The following AP5Z1 variants were observed in gnomAD, a reference collection of about 807,000 sequenced individuals.
AP5Z1 encodes AP-5 complex subunit zeta-1.
A neutral mutation model predicts 83.0 loss-of-function variants in AP5Z1; 106 were observed. That is an observed-to-expected ratio of 1.28 (90% CI 1.09 to 1.50). The LOEUF (loss-of-function observed/expected upper bound fraction) is 1.50, where lower values mean the gene tolerates loss of function less well. AP5Z1 is among the 40% of genes most tolerant of loss of function. AP5Z1 has a pLI of 0.00. For missense variants in AP5Z1, 1,565 were observed against 1,094.2 expected (o/e 1.43, Z -6.07); for synonymous variants, 751 against 514.1 (o/e 1.46, Z -6.23).
chr7:4,784,317 C>A lies in AP5Z1; in HGVS notation c.736C>A (p.Leu246Met), dbSNP rs1583231513. 8 of 1,600,836 alleles carry A rather than the reference C, an allele frequency of 5.0e-6. No individual in the cohort carries two copies. The highest frequency in any genetic ancestry group is 6.0e-6 in the Non-Finnish European group (7 of 1,174,782). The part of the protein sequence containing the change: ...QWLNVQAFSM[L>M]RAWLLHSGPE... The stretch of plus-strand genomic sequence containing the variant: ...GCTGAACGTGCAGGCCTTCTCTATG[C>A]TGCGGGCGTGGCTGCTGCACAGCGG... The change falls in exon 6 of 17, where the codon CTG becomes ATG. Residue 246 changes from leucine (L) to methionine (M), a missense_variant. Transcript: ENST00000649063.
At chr7:4,785,392 C>T (rs976121772) in intron 7 of AP5Z1, 23 bp from the exon 8 acceptor site, 2 of 1,612,042 alleles carry the variant, frequency 1.2e-6, no homozygotes, top group Non-Finnish European at 1.7e-6. Context: ...ACAGAGCCGG[C>T]TGACTTTTTC....
chr7:4,788,533 G>A lies in AP5Z1; in HGVS notation c.1595+239G>A, dbSNP rs1306154713. ...ATCAACCCTCATAAGCTTGGAGGTT[G>A]GCCCTGTGGGTGCTCCATTTTGCAG... On this transcript the variant is annotated intron_variant, in intron 12 of 16. Transcript: ENST00000649063. 9 of 547,382 alleles carry A rather than the reference G, an allele frequency of 1.6e-5. No homozygotes were observed. The African/African-American group carries it at 1.7e-4, about 11-fold the overall frequency. The allele number at this position is 547,382 out of a possible 1,614,324, so 33.9% of individuals were successfully genotyped here. A position where few individuals can be genotyped will look rare whatever the true frequency, so the allele number is the denominator to read the frequency against.
intron 3 of AP5Z1, 114 bp from the exon 4 acceptor site, chr7:4,783,202 G>A (rs1224721319): frequency 1.4e-6 from 2 of 1,431,764 alleles, no homozygotes; most frequent in Admixed American, 5.2e-5. Context: ...CCACCTGCTA[G>A]GCCGGGGTCT....
chr7:4,782,613 T>C (rs1407925286), intron 3 of AP5Z1, among the ~76,000 whole-genome samples: 1 of 152,090 alleles, frequency 6.6e-6, no homozygotes, highest in East Asian at 1.9e-4. Context: ...TTGTACTTCA[T>C]CACTGGGGTC....
intron 1 of AP5Z1, among the ~76,000 whole-genome samples, chr7:4,778,358 G>C (rs1275070652): frequency 6.6e-6 from 1 of 152,166 alleles, no homozygotes; most frequent in Non-Finnish European, 1.5e-5. Context: ...AGCGGGAAGC[G>C]AGTAAAGGAT....
chr7:4,791,737 A>C lies in AP5Z1; in HGVS notation c.*352A>C, dbSNP rs907100294. 2.3e-5 allele frequency: 8 copies of C among 351,454 alleles called. No individual in the cohort carries two copies. The highest frequency in any genetic ancestry group is 1.7e-4 in the African/African-American group (8 of 48,402). The allele number at this position is 351,454 out of a possible 1,614,324, so 21.8% of individuals were successfully genotyped here. A position where few individuals can be genotyped will look rare whatever the true frequency, so the allele number is the denominator to read the frequency against. On this transcript the variant is annotated 3_prime_UTR_variant, in exon 17 of 17. Transcript: ENST00000649063. ...GATGGGCAAGAAGAGCTGCAGTAAA[A>C]GTAAATCTCCTTTAATAAGCGTCTG...
Position 4,787,656 on chromosome 7 carries a change from C to T in AP5Z1, c.1334C>T (p.Pro445Leu), listed in dbSNP as rs566333309. The T allele has an allele frequency of 2.0e-4, 306 of 1,553,290 alleles. No homozygotes were observed. In the East Asian group the frequency reaches 6.8e-3, roughly 34 times the overall value. Residue 445 changes from proline (P) to leucine (L), a missense_variant, in exon 11 of 17, where the codon CCC (proline) becomes CTC (leucine). Pro to Leu is a moderately conservative substitution (Grantham distance 98, BLOSUM62 -3). Coordinates refer to ENST00000649063, the MANE Select transcript of AP5Z1 (RefSeq NM_014855.3). ...CAGTTCCTGGCCTGGAACAGCCCAC[C>T]CCTCACCTCCGAGTTTGTGGCGCTC... ...LFKFLAWNSP[P>L]LTSEFVALLP...
rs61215980 is a variant in AP5Z1, at chr7:4,781,029, C to T, written c.42-146C>T. 2.1e-3 allele frequency: 2,187 copies of T among 1,062,410 alleles called. 33 individuals carry two copies. The African/African-American group carries it at 0.031, about 15-fold the overall frequency. The allele number at this position is 1,062,410 out of a possible 1,614,324, so 65.8% of individuals were successfully genotyped here. A position where few individuals can be genotyped will look rare whatever the true frequency, so the allele number is the denominator to read the frequency against. On this transcript the variant is annotated intron_variant, in intron 1 of 16. Coordinates refer to ENST00000649063, the MANE Select transcript of AP5Z1 (RefSeq NM_014855.3). ...GCTCAGGGAATCAGCGAATTTATCT[C>T]GAGAGCCATGAGCCGTGGAACCGTG...
intron 9 of AP5Z1, 114 bp from the exon 10 acceptor site, chr7:4,786,136 C>G: frequency 8.7e-7 from 1 of 1,154,970 alleles, no homozygotes; most frequent in Non-Finnish European, 1.2e-6. Context: ...TAGGACGCCT[C>G]GGAGCCCTTG....
rs1781705671 is a variant in AP5Z1 at position 4,790,061 on chromosome 7, G to A, written c.1805+132G>A. 6.9e-6 allele frequency: 8 copies of A among 1,157,540 alleles called. No individual in the cohort carries two copies. In the Admixed American group the frequency reaches 1.2e-4, roughly 17 times the overall value. 71.7% of individuals were successfully genotyped at this position (1,157,540 alleles called of 1,614,324 possible). A position where few individuals can be genotyped will look rare whatever the true frequency, so the allele number is the denominator to read the frequency against. On this transcript the variant is annotated intron_variant, in intron 14 of 16. Coordinates refer to ENST00000649063, the MANE Select transcript of AP5Z1 (RefSeq NM_014855.3). Reference sequence around the variant, plus strand: ...TGGGCCCTCAGCAGCCTCAGACCCTGCCACCCCCACCCACAGCCCCACACC... The same window carrying A: ...TGGGCCCTCAGCAGCCTCAGACCCTACCACCCCCACCCACAGCCCCACACC...
Position 4,788,146 on chromosome 7 carries a change from C to G in AP5Z1, c.1455-8C>G. 6.5e-7 allele frequency: 1 copy of G among 1,538,832 alleles called. No individual in the cohort carries two copies. ...TCCCAGCCTGGCCTTGGGCGTCTGT[C>G]CACGCAGGTCAGCACCGGCTGCATC... On this transcript the variant is annotated splice_region_variant and splice_polypyrimidine_tract_variant and intron_variant, in intron 11 of 16. Coordinates refer to ENST00000649063, the MANE Select transcript of AP5Z1 (RefSeq NM_014855.3).
Position 4,786,238 on chromosome 7 carries a change from C to G in AP5Z1, c.1133-12C>G, listed in dbSNP as rs749683225. ...GTCAAGACGTGTGCCCTGGCGGGCC[C>G]TGGTCTTGCAGGGGAAGCGGCTGCA... is the stretch of plus-strand genomic sequence containing the variant. On this transcript the variant is annotated splice_polypyrimidine_tract_variant and intron_variant, in intron 9 of 16. Transcript: ENST00000649063. 19 of 1,592,942 alleles carry G rather than the reference C, an allele frequency of 1.2e-5. No individual in the cohort carries two copies. Among genetic ancestry groups the G allele is most frequent in the Non-Finnish European group, 1.5e-5 (18 of 1,168,238 alleles).
rs1781654959 is a variant in AP5Z1 at position 4,789,004 on chromosome 7, C to G, written c.1707+53C>G. Reference sequence around the variant, plus strand: ...TCCCACAGGCCTCACAACTGAGGGGCAGGCCAGAGCCAGCACTGGGGGGCC... The same window carrying G: ...TCCCACAGGCCTCACAACTGAGGGGGAGGCCAGAGCCAGCACTGGGGGGCC... On this transcript the variant is annotated intron_variant, in intron 13 of 16. Transcript: ENST00000649063. The G allele has an allele frequency of 2.0e-6, 3 of 1,490,092 alleles. No individual in the cohort carries two copies. In the Admixed American group the frequency reaches 5.5e-5, roughly 27 times the overall value. 92.3% of individuals were successfully genotyped at this position (1,490,092 alleles called of 1,614,324 possible). A position where few individuals can be genotyped will look rare whatever the true frequency, so the allele number is the denominator to read the frequency against.
intron 3 of AP5Z1, among the ~76,000 whole-genome samples, chr7:4,783,009 G>C (rs1264845653): frequency 6.6e-6 from 1 of 152,232 alleles, no homozygotes; most frequent in East Asian, 1.9e-4. Flanking sequence ...GGCCCCGCAG[G>C]ACGGGGTGTC....
In AP5Z1 at chr7:4,791,671, G is replaced by A; in HGVS notation, c.*286G>A. The A allele has an allele frequency of 2.0e-6, 1 of 508,432 alleles. No homozygotes were observed. Among genetic ancestry groups the A allele is most frequent in the East Asian group, 3.1e-5 (1 of 32,426 alleles). The allele number at this position is 508,432 out of a possible 1,614,324, so 31.5% of individuals were successfully genotyped here. A position where few individuals can be genotyped will look rare whatever the true frequency, so the allele number is the denominator to read the frequency against. On this transcript the variant is annotated 3_prime_UTR_variant, in exon 17 of 17. Transcript: ENST00000649063. Reference sequence around the variant, plus strand: ...GGCCCTGTGGCTGGGTCGGGTGGAGGCTGCTGGGTCTGTTTCCTAGTCTTT... The same window carrying A: ...GGCCCTGTGGCTGGGTCGGGTGGAGACTGCTGGGTCTGTTTCCTAGTCTTT...
At chr7:4,790,399 T>TGGATGG (rs531131477) in intron 14 of AP5Z1, 60 bp from the exon 15 acceptor site, 28 of 1,610,866 alleles carry the variant, frequency 1.7e-5, no homozygotes, top group African/African-American at 1.1e-4. Flanking sequence ...GCCCTTGGCC[T>TGGATGG]GGATGGGGAT....
intron 6 of AP5Z1, 32 bp from the exon 7 acceptor site, chr7:4,784,876 G>C: frequency 1.3e-6 from 2 of 1,596,328 alleles, no homozygotes; most frequent in Non-Finnish European, 1.7e-6. Context: ...GGAGCCACAC[G>C]TCAGCCTGCT....
At position 4,791,463 on chromosome 7, in the gene AP5Z1, G is replaced by C; in HGVS notation, c.*78G>C. ...TGCTACTGAGGCCAGGCTGATAGGA[G>C]CTCAGGAGGGCGCGGGAGTCCTGGG... On this transcript the variant is annotated 3_prime_UTR_variant, in exon 17 of 17. Transcript: ENST00000649063. 2 of 1,491,116 alleles carry C rather than the reference G, an allele frequency of 1.3e-6. No homozygotes were observed. The highest frequency in any genetic ancestry group is 1.8e-6 in the Non-Finnish European group (2 of 1,114,154). The allele number at this position is 1,491,116 out of a possible 1,614,324, so 92.4% of individuals were successfully genotyped here.
chr7:4,789,017 G>A, intron 13 of AP5Z1, 66 bp downstream of exon 13: 1 of 1,362,970 alleles, frequency 7.3e-7, no homozygotes, highest in Non-Finnish European at 1.0e-6. Flanking sequence ...GCCAGAGCCA[G>A]CACTGGGGGG....
Sources: allele counts gnomAD v4.1 joint callset (sites outside exome capture counted in the v4.1 genomes callset), GRCh38; gene constraint gnomAD v4.1.1; transcripts MANE v1.5; gene names NCBI Gene and HGNC (gene_info 2026-07-23, HGNC 2026-07-21).